PHKB: variants seen among roughly 807,000 people sequenced by gnomAD.
PHKB encodes the protein phosphorylase kinase regulatory subunit beta, also known as phosphorylase b kinase regulatory subunit beta.
In PHKB, 122 loss-of-function variants were observed where a neutral mutation model predicts 152.1. That is an observed-to-expected ratio of 0.80 (90% CI 0.69 to 0.93). The LOEUF is 0.93. Among genes scored for constraint, PHKB ranks in the 40% least tolerant of loss-of-function variants. PHKB has a pLI of 0.00. For missense variants in PHKB, 1,304 were observed against 1,328.4 expected (o/e 0.98, Z 0.29); for synonymous variants, 436 against 464.9 (o/e 0.94, Z 0.80).
At chr16:47,592,231 C>T (rs992946765) in intron 10 of PHKB, among the ~76,000 whole-genome samples, 1 of 152,190 alleles carries the variant, frequency 6.6e-6, no homozygotes, top group Non-Finnish European at 1.5e-5. Context: ...TCGGTATTAC[C>T]AGCTGCTCAG....
At chr16:47,544,534 C>T (rs143998467) in intron 6 of PHKB, among the ~76,000 whole-genome samples, 36 of 152,142 alleles carry the variant, frequency 2.4e-4, no homozygotes, top group East Asian at 7.7e-4. Context: ...GTAATAAGTG[C>T]GATGTGTTGC....
At chr16:47,683,696 G>C (rs1321917463) in intron 26 of PHKB, among the ~76,000 whole-genome samples, 1 of 152,166 alleles carries the variant, frequency 6.6e-6, no homozygotes, top group Non-Finnish European at 1.5e-5. Flanking sequence ...GGAACTCCCT[G>C]ACCCCTTGTG....
intron 28 of PHKB, among the ~76,000 whole-genome samples, chr16:47,694,238 G>T (rs560316355): frequency 1.7e-4 from 26 of 152,280 alleles, no homozygotes; most frequent in Admixed American, 3.3e-4. Context: ...TCTTTGATGT[G>T]ATTATTTAAT....
intron 7 of PHKB, among the ~76,000 whole-genome samples, chr16:47,555,119 A>G (rs1971345835): frequency 1.3e-5 from 2 of 152,206 alleles, no homozygotes. Flanking sequence ...TGACCCTTTT[A>G]TTCCATATGG....
At chr16:47,632,428 A>G (rs1423410077) in intron 14 of PHKB, among the ~76,000 whole-genome samples, 2 of 152,228 alleles carry the variant, frequency 1.3e-5, no homozygotes, top group Admixed American at 6.5e-5. Context: ...GTGTTAATAT[A>G]TGAAAAGAGT....
At chr16:47,462,881 T>A (rs752270775) in intron 1 of PHKB, 26 of 152,230 alleles carry the variant, frequency 1.7e-4, no homozygotes, top group Non-Finnish European at 3.7e-4. Flanking sequence ...CTATGAAGTA[T>A]GAGATAATTT....
intron 6 of PHKB, among the ~76,000 whole-genome samples, chr16:47,531,343 G>A (rs1970858497): frequency 6.6e-6 from 1 of 152,162 alleles, no homozygotes; most frequent in Non-Finnish European, 1.5e-5. Flanking sequence ...GAGCAAGGGT[G>A]TTCAAACTTT....
chr16:47,490,251 A>G (rs1226325189), intron 1 of PHKB, among the ~76,000 whole-genome samples: 1 of 152,212 alleles, frequency 6.6e-6, no homozygotes. Flanking sequence ...TCAAAGTTCT[A>G]TCACTTACTA....
At chr16:47,675,515 A>ACTCT (rs1389487705) in intron 26 of PHKB, 41 of 143,946 alleles carry the variant, frequency 2.8e-4, no homozygotes, top group African/African-American at 1.1e-3. Flanking sequence ...ACACACACAC[A>ACTCT]CACACTCTCT....
At chr16:47,514,743 G>T (rs1162140767) in intron 5 of PHKB, among the ~76,000 whole-genome samples, 4 of 152,104 alleles carry the variant, frequency 2.6e-5, no homozygotes, top group African/African-American at 9.7e-5. Flanking sequence ...GCCTGTTGTG[G>T]CACGTACCTT....
At chr16:47,660,167 T>G (rs1252941692) in intron 20 of PHKB, among the ~76,000 whole-genome samples, 1 of 152,184 alleles carries the variant, frequency 6.6e-6, no homozygotes, top group Non-Finnish European at 1.5e-5. Context: ...CTGTCAGAAA[T>G]GTTATTTTTT....
chr16:47,644,508 C>T (rs929512258), intron 16 of PHKB, among the ~76,000 whole-genome samples: 3 of 152,172 alleles, frequency 2.0e-5, no homozygotes, highest in Non-Finnish European at 2.9e-5. Context: ...GAACAGAGAG[C>T]TCTGGCAACA....
intron 25 of PHKB, chr16:47,665,442 T>A (rs1357933798): frequency 4.4e-6 from 1 of 225,210 alleles, no homozygotes. Context: ...AAAGAAATAC[T>A]GGTATTTCAT....
intron 20 of PHKB, among the ~76,000 whole-genome samples, chr16:47,653,551 T>G (rs532618404): frequency 6.6e-6 from 1 of 152,298 alleles, no homozygotes; most frequent in African/African-American, 2.4e-5. Context: ...CTTAAACATT[T>G]TTTTCCACTA....
intron 9 of PHKB, 61 bp from the exon 10 acceptor site, chr16:47,588,844 T>C: frequency 7.2e-7 from 1 of 1,397,404 alleles, no homozygotes; most frequent in Non-Finnish European, 1.0e-6. Flanking sequence ...ATCATTCTCC[T>C]TGGGCTGTGT....
chr16:47,503,182 A>G, intron 4 of PHKB, 92 bp downstream of exon 4: 4 of 941,296 alleles, frequency 4.2e-6, no homozygotes, highest in East Asian at 5.2e-5. Context: ...AGAAGAATGT[A>G]CTTTTCAAAG....
At chr16:47,589,600 A>G (rs944642019) in intron 10 of PHKB, among the ~76,000 whole-genome samples, 4 of 152,180 alleles carry the variant, frequency 2.6e-5, no homozygotes, top group Admixed American at 2.6e-4. Context: ...ACTTTCTTTT[A>G]AAATATAGTC....
chr16:47,650,260 A>AT (rs1973211079), intron 18 of PHKB, among the ~76,000 whole-genome samples: 1 of 152,186 alleles, frequency 6.6e-6, no homozygotes, highest in African/African-American at 2.4e-5. Flanking sequence ...ATAGATTAAC[A>AT]TTTAAAAAAA....
Position 47,499,823 on chromosome 16 carries a change from T to G in PHKB, c.234T>G (p.Gly78=), listed in dbSNP as rs1179400359. The G allele has an allele frequency of 6.2e-7, 1 of 1,614,172 alleles. No individual in the cohort carries two copies. ...TGLFPTKTCG[G]DQKAKIQDSL... Reference sequence around the variant, plus strand: ...TCTTTCCCACTAAAACATGCGGTGGTGACCAGAAGGCCAAGATCCAGGACA... The same window carrying G: ...TCTTTCCCACTAAAACATGCGGTGGGGACCAGAAGGCCAAGATCCAGGACA... The change falls in exon 3 of 31, where the codon GGT becomes GGG. Residue 78 remains glycine, a synonymous_variant. Transcript: ENST00000323584.
Sources: gnomAD v4.1 joint callset for allele counts (sites outside exome capture counted in the v4.1 genomes callset) on GRCh38, gnomAD v4.1.1 for gene constraint, MANE v1.5 for transcripts, NCBI Gene and HGNC (gene_info 2026-07-23, HGNC 2026-07-21) for gene names.